The following MYO1E variants were observed in gnomAD, a reference collection of about 807,000 sequenced individuals.
MYO1E encodes unconventional myosin-Ie.
MYO1E carries 68 observed loss-of-function variants against 151.1 expected under a neutral mutation model. The observed-to-expected ratio is 0.45, with a 90% CI of 0.37 to 0.55. The LOEUF is 0.55. Among genes scored for constraint, MYO1E ranks in the 20% least tolerant of loss-of-function variants. MYO1E has a pLI of 0.00. For missense variants in MYO1E, 1,363 were observed against 1,389.3 expected (o/e 0.98, Z 0.30); for synonymous variants, 601 against 501.7 (o/e 1.20, Z -2.64).
intron 1 of MYO1E, among the ~76,000 whole-genome samples, chr15:59,309,795 C>T (rs2080538414): frequency 6.6e-6 from 1 of 152,194 alleles, no homozygotes; most frequent in African/African-American, 2.4e-5. Context: ...CTTGGCAGCA[C>T]ATAAAGCATA....
intron 18 of MYO1E, among the ~76,000 whole-genome samples, chr15:59,182,931 A>G (rs970759006): frequency 1.3e-5 from 2 of 152,228 alleles, no homozygotes; most frequent in Admixed American, 6.5e-5. Flanking sequence ...TCAGGTCATC[A>G]GGCATTAGAT....
rs1462895547 is a variant in MYO1E, at chr15:59,136,967, G to A, written c.*413C>T. On this transcript the variant is annotated 3_prime_UTR_variant, in exon 28 of 28. Coordinates refer to ENST00000288235, the MANE Select transcript of MYO1E (RefSeq NM_004998.4). ...GAATGTGTCTATCAGGTATGGACAA[G>A]AGAGATGAAAGAAATGTGCTCTTCA... The A allele has an allele frequency of 8.5e-6, 3 of 354,346 alleles. No homozygotes were observed. The highest frequency in any genetic ancestry group is 1.5e-4 in the East Asian group (2 of 13,634). The allele number at this position is 354,346 out of a possible 1,614,324, so 22.0% of individuals were successfully genotyped here.
Position 59,372,556 on chromosome 15 carries a change from C to T in MYO1E, c.-56G>A. On this transcript the variant is annotated 5_prime_UTR_variant, in exon 1 of 28. Coordinates refer to ENST00000288235, the MANE Select transcript of MYO1E (RefSeq NM_004998.4). ...GGGTCCCGCTGCCGGGGAACTGGGGCTGGAACGCAGTCTTCTGGGCGAACT... is the reference window on the plus strand; with the variant it reads ...GGGTCCCGCTGCCGGGGAACTGGGGTTGGAACGCAGTCTTCTGGGCGAACT... The T allele has an allele frequency of 6.5e-7, 1 of 1,533,686 alleles. No individual in the cohort carries two copies. The highest frequency in any genetic ancestry group is 8.8e-7 in the Non-Finnish European group (1 of 1,140,178).
chr15:59,267,702 T>C (rs529584706), intron 2 of MYO1E, among the ~76,000 whole-genome samples: 1 of 152,282 alleles, frequency 6.6e-6, no homozygotes, highest in East Asian at 1.9e-4. Context: ...GAGCACAGAG[T>C]GCTTTGCGCA....
Position 59,372,703 on chromosome 15 carries a change from G to C in MYO1E, c.-203C>G. 6 of 616,528 alleles carry C rather than the reference G, an allele frequency of 9.7e-6. No homozygotes were observed. The highest frequency in any genetic ancestry group is 6.4e-5 in the South Asian group (3 of 46,732). 38.2% of individuals were successfully genotyped at this position (616,528 alleles called of 1,614,324 possible). ...TGGCGGTGCTAGGTGAGGGCGAGAC[G>C]GCGGCGACTTAGCAGGCGGGGCGCA... On this transcript the variant is annotated 5_prime_UTR_variant, in exon 1 of 28. Transcript: ENST00000288235.
intron 1 of MYO1E, among the ~76,000 whole-genome samples, chr15:59,284,413 G>A (rs2080375232): frequency 6.6e-6 from 1 of 152,176 alleles, no homozygotes; most frequent in Non-Finnish European, 1.5e-5. Context: ...CCAGTTAAGA[G>A]TAACAGATAT....
At chr15:59,348,084 G>A (rs2080804307) in intron 1 of MYO1E, among the ~76,000 whole-genome samples, 1 of 152,092 alleles carries the variant, frequency 6.6e-6, no homozygotes, top group African/African-American at 2.4e-5. Context: ...ACCTCCTCAG[G>A]TGGTTTTGAT....
At chr15:59,362,093 T>TGTAA (rs2080889115) in intron 1 of MYO1E, among the ~76,000 whole-genome samples, 1 of 152,178 alleles carries the variant, frequency 6.6e-6, no homozygotes, top group Non-Finnish European at 1.5e-5. Flanking sequence ...CGCCTCGGCC[T>TGTAA]TCCAAAGTGC....
Position 59,202,418 on chromosome 15 carries a change from A to AG in MYO1E, c.1617-12dup, listed in dbSNP as rs1450476847. 1.2e-6 allele frequency: 2 copies of AG among 1,611,754 alleles called. No individual in the cohort carries two copies. Among genetic ancestry groups the AG allele is most frequent in the African/African-American group, 2.7e-5 (2 of 74,934 alleles). On this transcript the variant is annotated splice_polypyrimidine_tract_variant and intron_variant, in intron 15 of 27. Transcript: ENST00000288235. ...GACTTTATGAAAGGCCTGGAAAAGG[A>AG]GAAAGAGAATGAATTAACAATCTGT...
chr15:59,140,589 G>T (rs565079784), intron 26 of MYO1E, among the ~76,000 whole-genome samples: 3 of 152,358 alleles, frequency 2.0e-5, no homozygotes, highest in African/African-American at 7.2e-5. Flanking sequence ...AGGAGGAAAA[G>T]GGAGGGCCTT....
At chr15:59,174,784 C>G (rs565823551) in intron 19 of MYO1E, among the ~76,000 whole-genome samples, 30 of 152,108 alleles carry the variant, frequency 2.0e-4, no homozygotes, top group African/African-American at 6.3e-4. Context: ...CAGGATTCAC[C>G]AAGGACCAGC....
intron 1 of MYO1E, among the ~76,000 whole-genome samples, chr15:59,366,057 C>T (rs1452192149): frequency 1.3e-5 from 2 of 152,174 alleles, no homozygotes; most frequent in African/African-American, 4.8e-5. Context: ...AGGCTCACTG[C>T]AACCTCCGCC....
intron 4 of MYO1E, among the ~76,000 whole-genome samples, chr15:59,247,866 A>C (rs966414934): frequency 6.6e-6 from 1 of 152,206 alleles, no homozygotes; most frequent in Non-Finnish European, 1.5e-5. Flanking sequence ...TCACGCCTAT[A>C]ATCAGAGCAC....
intron 1 of MYO1E, among the ~76,000 whole-genome samples, chr15:59,292,497 G>A (rs932959547): frequency 2.0e-5 from 3 of 152,190 alleles, no homozygotes; most frequent in African/African-American, 7.2e-5. Context: ...ACAACAATAC[G>A]AAATGCTACA....
intron 17 of MYO1E, among the ~76,000 whole-genome samples, chr15:59,188,827 T>C (rs1230235294): frequency 8.5e-5 from 13 of 152,092 alleles, no homozygotes; most frequent in African/African-American, 2.7e-4. Flanking sequence ...AACAAAAATA[T>C]TGGTTAATCA....
intron 17 of MYO1E, among the ~76,000 whole-genome samples, chr15:59,190,085 G>C (rs1386438630): frequency 6.6e-6 from 1 of 152,182 alleles, no homozygotes; most frequent in Non-Finnish European, 1.5e-5. Context: ...CAGTGCTCTG[G>C]ATGCCGACAG....
At chr15:59,183,008 G>A (rs531526598) in intron 18 of MYO1E, among the ~76,000 whole-genome samples, 7 of 152,180 alleles carry the variant, frequency 4.6e-5, no homozygotes, top group Non-Finnish European at 1.0e-4. Context: ...GTGCTCCTAT[G>A]AGAATCTAAT....
At chr15:59,252,827 G>A (rs970643892) in intron 4 of MYO1E, among the ~76,000 whole-genome samples, 8 of 151,362 alleles carry the variant, frequency 5.3e-5, no homozygotes, top group South Asian at 2.1e-4. Context: ...CGGAGGTTGC[G>A]GTGAGCTGAG....
At chr15:59,291,704 AAAAAAAAAG>A (rs2080420134) in intron 1 of MYO1E, among the ~76,000 whole-genome samples, 2 of 143,360 alleles carry the variant, frequency 1.4e-5, no homozygotes, top group Admixed American at 1.4e-4. Flanking sequence ...AAAAAAAAAA[AAAAAAAAAG>A]AGAGAGAGAG....
Sources: allele counts gnomAD v4.1 joint callset (sites outside exome capture counted in the v4.1 genomes callset), GRCh38; gene constraint gnomAD v4.1.1; transcripts MANE v1.5; gene names NCBI Gene and HGNC (gene_info 2026-07-23, HGNC 2026-07-21).